Variants in LHFPL7 observed in about 807,000 individuals in gnomAD.
LHFPL7 encodes LHFPL tetraspan subfamily member 7.
At chr22:24,946,073 G>T in the LHFPL7 span, among the ~76,000 whole-genome samples, 1 of 152,322 alleles carries the variant, frequency 6.6e-6, no homozygotes, top group East Asian at 1.9e-4. Flanking sequence ...ACTTTGCAAG[G>T]CCAAGGCGGG....
chr22:24,936,210 A>G, the LHFPL7 span, among the ~76,000 whole-genome samples: 1 of 151,816 alleles, frequency 6.6e-6, no homozygotes, highest in Non-Finnish European at 1.5e-5. Context: ...CTGTCCACCT[A>G]TTTATTCACT....
At chr22:24,942,108 G>A in the LHFPL7 span, among the ~76,000 whole-genome samples, 15 of 151,942 alleles carry the variant, frequency 9.9e-5, no homozygotes, top group Admixed American at 6.6e-4. Context: ...CCGTTCTCCT[G>A]CCTCAGCCTC....
chr22:24,944,398 G>C, the LHFPL7 span, among the ~76,000 whole-genome samples: 7 of 152,156 alleles, frequency 4.6e-5, no homozygotes, highest in African/African-American at 1.4e-4. Context: ...AGCTGAGCCT[G>C]AAGAAGGTGA....
chr22:24,939,220 T>TA, the LHFPL7 span: 1 of 683,024 alleles, frequency 1.5e-6, no homozygotes. Flanking sequence ...TCGAAGCCAC[T>TA]GGGACACTCA....
the LHFPL7 span, among the ~76,000 whole-genome samples, chr22:24,944,998 C>T: frequency 5.3e-5 from 8 of 152,008 alleles, no homozygotes; most frequent in Non-Finnish European, 7.4e-5. Flanking sequence ...TTAGTAGAGA[C>T]GGGATTTCAC....
the LHFPL7 span, chr22:24,939,229 C>A: frequency 1.5e-6 from 1 of 688,700 alleles, no homozygotes; most frequent in South Asian, 1.5e-5. Context: ...CTGGGACACT[C>A]AGGCAGTGAG....
the LHFPL7 span, chr22:24,938,088 C>G: frequency 6.4e-7 from 1 of 1,566,500 alleles, no homozygotes; most frequent in Non-Finnish European, 8.6e-7. Flanking sequence ...TTCATTCATT[C>G]ATTCATTCAT....
the LHFPL7 span, among the ~76,000 whole-genome samples, chr22:24,945,801 C>A: frequency 6.6e-6 from 1 of 152,166 alleles, no homozygotes; most frequent in African/African-American, 2.4e-5. Flanking sequence ...GATGGGCAAA[C>A]TGGGTCTGGG....
chr22:24,942,185 G>A, the LHFPL7 span, among the ~76,000 whole-genome samples: 2 of 151,526 alleles, frequency 1.3e-5, no homozygotes, highest in Admixed American at 6.6e-5. Flanking sequence ...TAGTAGAGAC[G>A]GGGTTTCACC....
At chr22:24,936,824 G>A in the LHFPL7 span, among the ~76,000 whole-genome samples, 1 of 152,210 alleles carries the variant, frequency 6.6e-6, no homozygotes, top group Non-Finnish European at 1.5e-5. Context: ...TCCATGCACT[G>A]GGTCAGGTGT....
chr22:24,941,037 A>G, the LHFPL7 span, among the ~76,000 whole-genome samples: 1 of 151,086 alleles, frequency 6.6e-6, no homozygotes, highest in East Asian at 1.9e-4. Context: ...AGGAACACAG[A>G]TGCTGTTTAT....
At chr22:24,946,148 A>G in the LHFPL7 span, among the ~76,000 whole-genome samples, 6 of 152,092 alleles carry the variant, frequency 3.9e-5, no homozygotes, top group Non-Finnish European at 7.4e-5. Flanking sequence ...TGTCTCTACT[A>G]AAAATACAAA....
At chr22:24,938,457 A>C in the LHFPL7 span, among the ~76,000 whole-genome samples, 1 of 152,236 alleles carries the variant, frequency 6.6e-6, no homozygotes, top group Non-Finnish European at 1.5e-5. Flanking sequence ...TCCTCGCAGC[A>C]TGTGGTTTGT....
the LHFPL7 span, among the ~76,000 whole-genome samples, chr22:24,935,945 T>C: frequency 6.6e-6 from 1 of 151,904 alleles, no homozygotes; most frequent in African/African-American, 2.4e-5. Flanking sequence ...CATCTTCCAT[T>C]CATCCATCCA....
the LHFPL7 span, chr22:24,938,180 A>G: frequency 6.2e-7 from 1 of 1,614,214 alleles, no homozygotes; most frequent in Non-Finnish European, 8.5e-7. Context: ...GCATTGGAAC[A>G]CTGCTTCTCC....
At chr22:24,935,639 A>G in the LHFPL7 span, 1 of 1,575,108 alleles carries the variant, frequency 6.3e-7, no homozygotes, top group African/African-American at 1.3e-5. Flanking sequence ...GCCAAGGGGT[A>G]CCTCACTAAC....
At chr22:24,935,392 T>C in the LHFPL7 span, 13 of 1,609,590 alleles carry the variant, frequency 8.1e-6, no homozygotes, top group Non-Finnish European at 1.0e-5. Flanking sequence ...AAGATGATGG[T>C]CCTCCCTTGG....
chr22:24,935,494 A>G, the LHFPL7 span: 2 of 1,613,936 alleles, frequency 1.2e-6, no homozygotes, highest in Non-Finnish European at 8.5e-7. Context: ...CCCAGCCGGC[A>G]CTTCCCACCA....
chr22:24,937,636 C>A, the LHFPL7 span, among the ~76,000 whole-genome samples: 737 of 152,240 alleles, frequency 4.8e-3, 5 homozygotes, highest in African/African-American at 0.017. Flanking sequence ...GTAATCCAGG[C>A]AAGAGATGGT....
Sources: gnomAD v4.1 joint callset for allele counts (sites outside exome capture counted in the v4.1 genomes callset) on GRCh38, gnomAD v4.1.1 for gene constraint, MANE v1.5 for transcripts, NCBI Gene and HGNC (gene_info 2026-07-23, HGNC 2026-07-21) for gene names.